Variants in NRDC observed in about 807,000 individuals in gnomAD.
NRDC encodes the protein nardilysin.
A neutral mutation model predicts 147.1 loss-of-function variants in NRDC; 54 were observed. The observed-to-expected ratio is 0.37, with a 90% CI of 0.29 to 0.46. The LOEUF is 0.46. Ranked by LOEUF, NRDC falls within the 20% of genes least tolerant of loss-of-function variation. NRDC has a pLI of 1.00. For synonymous variants in NRDC, 440 were observed against 482.1 expected (o/e 0.91, Z 1.14); for missense variants, 1,082 against 1,370.6 (o/e 0.79, Z 3.33).
chr1:51,819,553 G>A (rs1192587216), intron 9 of NRDC, among the ~76,000 whole-genome samples: 12 of 152,124 alleles, frequency 7.9e-5, no homozygotes, highest in Admixed American at 6.5e-4. Flanking sequence ...AGGGAAGAAA[G>A]GTAAAACAAG....
At chr1:51,838,263 C>T (rs1450253054) in intron 2 of NRDC, among the ~76,000 whole-genome samples, 2 of 152,156 alleles carry the variant, frequency 1.3e-5, no homozygotes, top group African/African-American at 4.8e-5. Flanking sequence ...GATCACTAGA[C>T]TCTGACCCTG....
intron 17 of NRDC, among the ~76,000 whole-genome samples, chr1:51,807,761 T>C (rs1408541806): frequency 1.3e-5 from 2 of 151,366 alleles, no homozygotes; most frequent in Admixed American, 1.3e-4. Flanking sequence ...CAGTTCAAGA[T>C]ATGAAACTGA....
intron 3 of NRDC, 142 bp downstream of exon 3, chr1:51,835,989 A>T (rs1050245729): frequency 6.0e-6 from 4 of 670,976 alleles, no homozygotes; most frequent in Non-Finnish European, 5.2e-6. Flanking sequence ...GATATTCATA[A>T]ATCAAGGATT....
At chr1:51,831,512 T>C (rs1680707300) in intron 4 of NRDC, among the ~76,000 whole-genome samples, 2 of 152,184 alleles carry the variant, frequency 1.3e-5, no homozygotes, top group Non-Finnish European at 2.9e-5. Flanking sequence ...AAGGTATTGC[T>C]GATCCTGTCT....
intron 29 of NRDC, 78 bp downstream of exon 29, chr1:51,790,455 G>C (rs933582557): frequency 1.2e-6 from 1 of 865,768 alleles, no homozygotes; most frequent in Non-Finnish European, 2.0e-6. Flanking sequence ...CACAATGCTG[G>C]TGTGCACAGA....
intron 9 of NRDC, among the ~76,000 whole-genome samples, 161 bp from the exon 10 acceptor site, chr1:51,818,296 T>C (rs1680061208): frequency 6.6e-6 from 1 of 152,232 alleles, no homozygotes; most frequent in Non-Finnish European, 1.5e-5. Flanking sequence ...ACTCGAATAA[T>C]GCAATTTTTG....
chr1:51,791,805 G>A, intron 26 of NRDC, 144 bp from the exon 27 acceptor site: 1 of 724,592 alleles, frequency 1.4e-6, no homozygotes, highest in Non-Finnish European at 2.3e-6. Context: ...ATGTTAAGGT[G>A]TCCATACCTC....
chr1:51,855,627 G>A (rs1490538884), intron 1 of NRDC, among the ~76,000 whole-genome samples: 1 of 151,890 alleles, frequency 6.6e-6, no homozygotes, highest in Non-Finnish European at 1.5e-5. Flanking sequence ...AAATCATTAA[G>A]AGAAAAAAAC....
intron 1 of NRDC, among the ~76,000 whole-genome samples, chr1:51,870,490 A>G (rs1683029854): frequency 6.6e-6 from 1 of 152,134 alleles, no homozygotes; most frequent in Non-Finnish European, 1.5e-5. Flanking sequence ...CATTTTCTAC[A>G]TTAGCTATTT....
chr1:51,850,622 A>G (rs1215209813), intron 1 of NRDC, among the ~76,000 whole-genome samples: 1 of 152,208 alleles, frequency 6.6e-6, no homozygotes, highest in Non-Finnish European at 1.5e-5. Flanking sequence ...AGTCATGAGA[A>G]CGTTTGCTTC....
intron 9 of NRDC, among the ~76,000 whole-genome samples, chr1:51,819,272 T>C (rs2149207092): frequency 6.7e-6 from 1 of 150,144 alleles, no homozygotes; most frequent in African/African-American, 2.5e-5. Context: ...TACTCCAGCC[T>C]GGGCAACAGA....
rs759506370 is a variant in NRDC, at chr1:51,878,449, G to C, written c.167C>G (p.Ala56Gly). Reference protein sequence around the residue: ...PILAMPGRNKAKSTCSCPDLQ... With the variant: ...PILAMPGRNKGKSTCSCPDLQ... ...GTCAGGGCAGCTGCAGGTAGACTTCGCCTTGTTCCTTCCAGGCATGGCCAG... is the reference window on the plus strand; with the variant it reads ...GTCAGGGCAGCTGCAGGTAGACTTCCCCTTGTTCCTTCCAGGCATGGCCAG... The change falls in exon 1 of 31, where the codon GCG becomes GGG. Residue 56 changes from alanine (A) to glycine (G), a missense_variant. This residue lies in a region of NRDC where 260 missense variants were observed against 253.2 expected (regional missense o/e 1.03). Transcript: ENST00000352171. The C allele has an allele frequency of 1.2e-6, 2 of 1,613,886 alleles. No homozygotes were observed. Among genetic ancestry groups the C allele is most frequent in the African/African-American group, 1.3e-5 (1 of 74,910 alleles).
chr1:51,829,744 T>C (rs1680616508), intron 4 of NRDC, among the ~76,000 whole-genome samples: 1 of 152,124 alleles, frequency 6.6e-6, no homozygotes. Context: ...ATTTGGGTTA[T>C]ATATGTTCTT....
At position 51,825,283 on chromosome 1, in the gene NRDC, T is replaced by C. The variant is rs1680395797; in HGVS notation, c.1036+4A>G. ...GAAATAAGATGATGTATTTAGTATC[T>C]TACCCCAAAAAAATTTTCCCATAGG... On this transcript the variant is annotated splice_donor_region_variant and intron_variant, in intron 6 of 30. Coordinates refer to ENST00000352171, the MANE Select transcript of NRDC (RefSeq NM_001101662.2). The C allele has an allele frequency of 6.4e-7, 1 of 1,561,012 alleles. No individual in the cohort carries two copies. Among genetic ancestry groups the C allele is most frequent in the African/African-American group, 1.4e-5 (1 of 73,362 alleles).
In NRDC at chr1:51,814,100, G is replaced by A. The variant is rs1249157108; in HGVS notation, c.1620-11C>T. ...ATCTCTTCAAAAATTCTGTGAAGGA[G>A]AAAACTATAATTAGAAGATACATTA... is the stretch of plus-strand genomic sequence containing the variant. On this transcript the variant is annotated splice_polypyrimidine_tract_variant and intron_variant, in intron 13 of 30. Coordinates refer to ENST00000352171, the MANE Select transcript of NRDC (RefSeq NM_001101662.2). 1 of 1,547,958 alleles carries A rather than the reference G, an allele frequency of 6.5e-7. No homozygotes were observed. The highest frequency in any genetic ancestry group is 8.9e-7 in the Non-Finnish European group (1 of 1,120,472).
chr1:51,797,743 C>A (rs996844328), intron 22 of NRDC, among the ~76,000 whole-genome samples: 3 of 152,112 alleles, frequency 2.0e-5, no homozygotes, highest in Non-Finnish European at 2.9e-5. Flanking sequence ...TAGTCTATTA[C>A]CAGCAATCTA....
chr1:51,861,015 G>A lies in NRDC; in HGVS notation c.341+17260C>T, dbSNP rs1435736496. Among the ~76,000 whole-genome samples, 4 of 150,192 alleles carry A rather than the reference G, an allele frequency of 2.7e-5. No individual in the cohort carries two copies. In the Admixed American group the frequency reaches 2.7e-4, roughly 10 times the overall value. On this transcript the variant is annotated intron_variant, in intron 1 of 30. Coordinates refer to ENST00000352171, the MANE Select transcript of NRDC (RefSeq NM_001101662.2). ...CCCAAGCTGGAATACAGTGGCATGA[G>A]CTTGGCTCACTGCAACCTCCGCCTC...
chr1:51,840,491 A>C lies in NRDC; in HGVS notation c.365T>G (p.Leu122Trp), dbSNP rs1571889729. The C allele has an allele frequency of 6.2e-7, 1 of 1,607,080 alleles. No homozygotes were observed. The change falls in exon 2 of 31, where the codon TTG becomes TGG. Residue 122 changes from leucine to tryptophan, a missense_variant. Physicochemically the swap from Leu to Trp is moderately conservative, Grantham distance 61. Around this residue, in one of 3 missense-constraint regions of NRDC, gnomAD observed 260 missense variants for 253.2 expected, o/e 1.03. Coordinates refer to ENST00000352171, the MANE Select transcript of NRDC (RefSeq NM_001101662.2). ...TAGGTCTGAAATCAGAAGTGCCTGCAAGCCATTCTGTAATTTGATGTATCT... is the reference window on the plus strand; with the variant it reads ...TAGGTCTGAAATCAGAAGTGCCTGCCAGCCATTCTGTAATTTGATGTATCT... ...QYRYIKLQNG[L>W]QALLISDLSN...
At chr1:51,863,641 C>T (rs1285513482) in intron 1 of NRDC, among the ~76,000 whole-genome samples, 1 of 152,092 alleles carries the variant, frequency 6.6e-6, no homozygotes, top group Non-Finnish European at 1.5e-5. Flanking sequence ...TTGTTGCAAC[C>T]ACAAAGAAAC....
Sources: gnomAD v4.1 joint callset for allele counts (sites outside exome capture counted in the v4.1 genomes callset) on GRCh38, gnomAD v4.1.1 for gene constraint, gnomAD v4.1.1 regional missense constraint, MANE v1.5 for transcripts, NCBI Gene and HGNC (gene_info 2026-07-23, HGNC 2026-07-21) for gene names.